HDAC9: variants seen among roughly 807,000 people sequenced by gnomAD.
HDAC9 encodes the protein MEF-2 interacting transcription repressor (MITR) protein.
A neutral mutation model predicts 139.4 loss-of-function variants in HDAC9; 41 were observed. That is an observed-to-expected ratio of 0.29 (90% confidence interval 0.23 to 0.38). The LOEUF (loss-of-function observed/expected upper bound fraction) is 0.38. HDAC9 is among the 10% of genes least tolerant of loss of function. HDAC9 has a pLI of 1.00. For missense variants in HDAC9, 1,147 were observed against 1,297.0 expected, an observed-to-expected ratio of 0.88 and a Z score of 1.78; for synonymous variants, 517 against 476.2, an observed-to-expected ratio of 1.09 and a Z score of -1.12.
At chr7:18,484,888 G>C (rs1795859584) in intron 1 of HDAC9, among the ~76,000 whole-genome samples, 1 of 150,934 alleles carries the variant, frequency 6.6e-6, no homozygotes, top group South Asian at 2.1e-4. Flanking sequence ...AAAAATTTTA[G>C]TTCATCTAGG....
At chr7:18,333,844 A>T (rs1035162172) in intron 1 of HDAC9, among the ~76,000 whole-genome samples, 11 of 151,418 alleles carry the variant, frequency 7.3e-5, no homozygotes, top group African/African-American at 2.7e-4. Context: ...TCTTAAAAAT[A>T]ATAATGACAA....
chr7:18,537,868 T>C (rs1431063728), intron 2 of HDAC9, among the ~76,000 whole-genome samples: 1 of 152,216 alleles, frequency 6.6e-6, no homozygotes, highest in African/African-American at 2.4e-5. Flanking sequence ...ACTTCAGTTT[T>C]AGCCACAAGA....
Position 18,584,140 on chromosome 7 carries a change from CT to C in HDAC9, c.23-1121del, listed in dbSNP as rs3084518. 5.7e-3 allele frequency among the ~76,000 whole-genome samples: 614 copies of C among 107,700 alleles called. 3 individuals carry two copies. Among genetic ancestry groups the C allele is most frequent in the African/African-American group, 0.02 (555 of 28,310 alleles). The allele number at this position is 107,700 out of a possible 152,430, so 70.7% of individuals were successfully genotyped here. A position where few individuals can be genotyped will look rare whatever the true frequency, so the allele number is the denominator to read the frequency against. ...AACTATTCCTTTAGAAAGCAGCATT[CT>C]TTTTTTTTTTTTTTTTTTTGAGACA... is the stretch of plus-strand genomic sequence containing the variant. On this transcript the variant is annotated intron_variant, in intron 2 of 25. Transcript: ENST00000686413.
At chr7:18,318,295 A>G (rs1245116507) in intron 1 of HDAC9, among the ~76,000 whole-genome samples, 1 of 152,240 alleles carries the variant, frequency 6.6e-6, no homozygotes, top group Non-Finnish European at 1.5e-5. Flanking sequence ...AATTCAATAC[A>G]AAAATGCTAC....
chr7:18,948,975 T>C, intron 23 of HDAC9: 1 of 389,180 alleles, frequency 2.6e-6, no homozygotes, highest in South Asian at 2.2e-5. Context: ...TTCACATAAT[T>C]GATGAAATTG....
At chr7:18,585,228 C>A in intron 2 of HDAC9, 53 bp from the exon 3 acceptor site, 1 of 1,581,310 alleles carries the variant, frequency 6.3e-7, no homozygotes, top group Middle Eastern at 1.7e-4. Flanking sequence ...TGCTAATTTC[C>A]AATCTTCTAT....
intron 13 of HDAC9, among the ~76,000 whole-genome samples, chr7:18,737,793 A>G (rs1406874946): frequency 6.6e-6 from 1 of 152,184 alleles, no homozygotes; most frequent in Admixed American, 6.5e-5. Context: ...TGCAGAGCTG[A>G]GTTCAAGTCC....
chr7:18,376,553 C>T (rs1231591331), intron 1 of HDAC9, among the ~76,000 whole-genome samples: 3 of 152,104 alleles, frequency 2.0e-5, no homozygotes, highest in African/African-American at 7.2e-5. Flanking sequence ...TCTGTTGCTT[C>T]GGGTGCCTGG....
At chr7:18,978,428 A>C (rs1049596585) in intron 25 of HDAC9, among the ~76,000 whole-genome samples, 2 of 152,134 alleles carry the variant, frequency 1.3e-5, no homozygotes, top group Non-Finnish European at 2.9e-5. Context: ...GCAGATAGTC[A>C]TTTCGTTTTT....
At chr7:18,568,278 C>G (rs1398405802) in intron 2 of HDAC9, among the ~76,000 whole-genome samples, 1 of 151,834 alleles carries the variant, frequency 6.6e-6, no homozygotes, top group Non-Finnish European at 1.5e-5. Flanking sequence ...TAGGACCATT[C>G]TAAATTAATA....
intron 1 of HDAC9, among the ~76,000 whole-genome samples, chr7:18,414,713 A>G (rs1448303588): frequency 6.6e-6 from 1 of 152,220 alleles, no homozygotes. Flanking sequence ...AAATACAGAA[A>G]AACATTGTAA....
chr7:18,736,544 T>C (rs1786918625), intron 13 of HDAC9, among the ~76,000 whole-genome samples: 1 of 152,230 alleles, frequency 6.6e-6, no homozygotes, highest in African/African-American at 2.4e-5. Context: ...GTTTATTGAT[T>C]TGTGTATGTT....
chr7:18,767,850 A>G (rs988486555), intron 16 of HDAC9, among the ~76,000 whole-genome samples: 2 of 152,230 alleles, frequency 1.3e-5, no homozygotes, highest in Non-Finnish European at 2.9e-5. Flanking sequence ...TTAGAACAAC[A>G]TAATTCTAGG....
At chr7:18,532,344 G>A (rs1259836079) in intron 2 of HDAC9, among the ~76,000 whole-genome samples, 2 of 152,252 alleles carry the variant, frequency 1.3e-5, no homozygotes, top group East Asian at 3.9e-4. Context: ...CAGGAACACT[G>A]TTGCCTACAG....
rs140586167 is a variant in HDAC9 at position 18,299,545 on chromosome 7, C to T, written c.-42+9030C>T. Reference sequence around the variant, plus strand: ...GGTGTTTTGGGTCTGGCTGCCATTACTGATCTTTTCCTTGAAATGAGGTGA... The same window carrying T: ...GGTGTTTTGGGTCTGGCTGCCATTATTGATCTTTTCCTTGAAATGAGGTGA... On this transcript the variant is annotated intron_variant, in intron 1 of 3. Coordinates refer to the HDAC9 transcript ENST00000413509. Among the ~76,000 whole-genome samples, 597 of 152,224 alleles carry T rather than the reference C, an allele frequency of 3.9e-3. 3 individuals are homozygous for T. Among genetic ancestry groups the T allele is most frequent in the African/African-American group, 0.014 (575 of 41,512 alleles).
At chr7:18,881,357 G>T (rs2129255695) in intron 22 of HDAC9, among the ~76,000 whole-genome samples, 1 of 152,074 alleles carries the variant, frequency 6.6e-6, no homozygotes, top group Admixed American at 6.6e-5. Context: ...GGATTCTAAG[G>T]TCCTCTCTTC....
At position 18,877,768 on chromosome 7, in the gene HDAC9, G is replaced by T. The variant is rs950614581; in HGVS notation, c.2803+3172G>T. Among the ~76,000 whole-genome samples, 4 of 152,144 alleles carry T rather than the reference G, an allele frequency of 2.6e-5. No homozygotes were observed. The East Asian group carries it at 7.7e-4, about 29-fold the overall frequency. On this transcript the variant is annotated intron_variant, in intron 22 of 25. Transcript: ENST00000686413. Reference sequence around the variant, plus strand: ...CCAATATCTCAGCCCAAATATAGAGGTGATTTAAAATTAAAGGTAATTCTT... The same window carrying T: ...CCAATATCTCAGCCCAAATATAGAGTTGATTTAAAATTAAAGGTAATTCTT...
At chr7:18,874,669 C>A (rs1016996468) in intron 22 of HDAC9, 73 bp downstream of exon 22, 3 of 823,502 alleles carry the variant, frequency 3.6e-6, no homozygotes, top group Admixed American at 4.1e-5. Flanking sequence ...TGATAGACAC[C>A]ACCTTTTACA....
chr7:18,146,368 C>T (rs1184229661), intron 1 of HDAC9, among the ~76,000 whole-genome samples: 1 of 152,118 alleles, frequency 6.6e-6, no homozygotes, highest in Non-Finnish European at 1.5e-5. Flanking sequence ...TTTCAATACT[C>T]ACAGTGGTTG....
Sources: allele counts gnomAD v4.1 joint callset (sites outside exome capture counted in the v4.1 genomes callset), GRCh38; gene constraint gnomAD v4.1.1; transcripts MANE v1.5; gene names NCBI Gene and HGNC (gene_info 2026-07-23, HGNC 2026-07-21).